The following EFHB variants were observed in gnomAD, a reference collection of about 807,000 sequenced individuals.
EFHB encodes EF-hand domain family member B, also known as EF-hand domain-containing family member B.
A neutral mutation model predicts 87.2 loss-of-function variants in EFHB; 91 were observed. The observed-to-expected ratio is 1.04, with a 90% CI of 0.88 to 1.24. The LOEUF is 1.24. Among genes scored for constraint, EFHB ranks in the 50% most tolerant of loss-of-function variants. The pLI is 0.00. For missense variants in EFHB, 1,084 were observed against 998.8 expected, an observed-to-expected ratio of 1.09 and a Z score of -1.15; for synonymous variants, 325 against 333.6, an observed-to-expected ratio of 0.97 and a Z score of 0.28.
At chr3:19,913,016 A>T (rs1407689735) in intron 5 of EFHB, among the ~76,000 whole-genome samples, 1 of 152,204 alleles carries the variant, frequency 6.6e-6, no homozygotes, top group Non-Finnish European at 1.5e-5. Context: ...GCCTGTAATA[A>T]TAATAGTAGC....
At chr3:19,933,066 T>A (rs1392019666) in intron 1 of EFHB, among the ~76,000 whole-genome samples, 164 bp downstream of exon 1, 1 of 152,202 alleles carries the variant, frequency 6.6e-6, no homozygotes, top group East Asian at 1.9e-4. Context: ...ATCAGAAATC[T>A]AAGTAACATC....
rs1162455565 is a variant in EFHB at position 19,915,374 on chromosome 3, T to C, written c.1217A>G (p.Tyr406Cys). ...AKDVVNPPKS[Y>C]EEVFKEGNEG... Reference sequence around the variant, plus strand: ...ATTTCCTTCTTTAAATACTTCTTCATAGGATTTTGGTGGATTCACCACATC... The same window carrying C: ...ATTTCCTTCTTTAAATACTTCTTCACAGGATTTTGGTGGATTCACCACATC... Residue 406 changes from tyrosine (Y) to cysteine (C), a missense_variant, in exon 5 of 13, where the codon TAT becomes TGT. Tyr to Cys is a radical substitution (Grantham distance 194, BLOSUM62 -2). Transcript: ENST00000295824. The C allele has an allele frequency of 3.1e-6, 5 of 1,613,030 alleles. No individual in the cohort carries two copies. Among genetic ancestry groups the C allele is most frequent in the South Asian group, 1.1e-5 (1 of 90,922 alleles).
chr3:19,939,096 A>G (rs1559479765), upstream of EFHB, among the ~76,000 whole-genome samples: 1 of 151,862 alleles, frequency 6.6e-6, no homozygotes, highest in Non-Finnish European at 1.5e-5. Context: ...CAGTAGAGAC[A>G]GGGTTTCACC....
upstream of EFHB, chr3:19,936,221 A>G: frequency 1.2e-6 from 1 of 858,058 alleles, no homozygotes; most frequent in Non-Finnish European, 1.9e-6. Flanking sequence ...GTGGTGGCTC[A>G]CATCTGTAGT....
intron 5 of EFHB, 128 bp from the exon 6 acceptor site, chr3:19,905,877 G>C (rs1180489916): frequency 8.6e-7 from 1 of 1,159,030 alleles, no homozygotes; most frequent in East Asian, 2.6e-5. Context: ...TAACAGTGCA[G>C]AAACTGCACA....
chr3:19,913,395 A>G (rs1478073602), intron 5 of EFHB, among the ~76,000 whole-genome samples: 3 of 152,234 alleles, frequency 2.0e-5, no homozygotes, highest in African/African-American at 7.2e-5. Flanking sequence ...ATTTCTATAT[A>G]CCAACAGTGA....
intron 11 of EFHB, among the ~76,000 whole-genome samples, chr3:19,883,736 G>A (rs1369767682): frequency 6.6e-6 from 1 of 152,118 alleles, no homozygotes; most frequent in Non-Finnish European, 1.5e-5. Context: ...GGAGAAATTT[G>A]GACACAGACA....
intron 12 of EFHB, 127 bp from the exon 13 acceptor site, chr3:19,879,931 T>C (rs2071630825): frequency 1.2e-6 from 1 of 843,204 alleles, no homozygotes. Context: ...TATGTGTGTG[T>C]ATGTATTTGT....
chr3:19,918,084 G>A (rs77241805), intron 4 of EFHB, 148 bp downstream of exon 4: 652 of 946,116 alleles, frequency 6.9e-4, no homozygotes, highest in Non-Finnish European at 9.2e-4. Context: ...GGTTCTGAGA[G>A]TAACTTTCTT....
chr3:19,890,439 A>C (rs1694266673), intron 9 of EFHB, among the ~76,000 whole-genome samples: 1 of 152,126 alleles, frequency 6.6e-6, no homozygotes. Flanking sequence ...CAGTCCTGGG[A>C]GAGGATGGTA....
At chr3:19,934,450 CCTCT>C (rs1559477228), upstream of EFHB, among the ~76,000 whole-genome samples, 1 of 98,926 alleles carries the variant, frequency 1.0e-5, no homozygotes, top group African/African-American at 4.1e-5. Context: ...CCTCTCTCTC[CCTCT>C]CTGTGTGTCT....
intron 10 of EFHB, among the ~76,000 whole-genome samples, chr3:19,886,926 G>A (rs554829873): frequency 2.7e-4 from 41 of 152,188 alleles, no homozygotes; most frequent in African/African-American, 8.9e-4. Flanking sequence ...AGCTTTTTGA[G>A]ATATGATCAT....
chr3:19,926,706 G>A (rs1212425042), intron 1 of EFHB, among the ~76,000 whole-genome samples: 3 of 147,326 alleles, frequency 2.0e-5, no homozygotes, highest in African/African-American at 7.6e-5. Flanking sequence ...TTTTGCCCAG[G>A]CTGGAGTGCA....
At chr3:19,916,251 A>G (rs1559464556) in intron 4 of EFHB, among the ~76,000 whole-genome samples, 1 of 152,128 alleles carries the variant, frequency 6.6e-6, no homozygotes, top group Non-Finnish European at 1.5e-5. Context: ...TCAGTGGCTC[A>G]GGCCTGTAAT....
At chr3:19,937,291 T>C (rs1380331712), upstream of EFHB, among the ~76,000 whole-genome samples, 2 of 152,240 alleles carry the variant, frequency 1.3e-5, no homozygotes, top group Non-Finnish European at 2.9e-5. Context: ...GCATTTTCCA[T>C]TTGCAATACA....
intron 9 of EFHB, among the ~76,000 whole-genome samples, chr3:19,890,007 T>C (rs1225900585): frequency 6.6e-6 from 1 of 152,090 alleles, no homozygotes; most frequent in Non-Finnish European, 1.5e-5. Flanking sequence ...CAAAAGTCTC[T>C]ACTACAACCA....
At chr3:19,884,763 T>G (rs752636508) in intron 10 of EFHB, 148 bp from the exon 11 acceptor site, 8 of 696,482 alleles carry the variant, frequency 1.1e-5, no homozygotes, top group Non-Finnish European at 1.4e-5. Flanking sequence ...AACACCCAAC[T>G]GTGGAAGAGT....
At chr3:19,901,770 C>T (rs547786183) in intron 6 of EFHB, among the ~76,000 whole-genome samples, 1 of 152,088 alleles carries the variant, frequency 6.6e-6, no homozygotes, top group African/African-American at 2.4e-5. Context: ...GCCCACATGG[C>T]AAAACCCCAT....
chr3:19,905,531 C>A (rs1203108966), intron 6 of EFHB, 89 bp downstream of exon 6: 1 of 1,379,984 alleles, frequency 7.2e-7, no homozygotes, highest in Non-Finnish European at 9.9e-7. Context: ...CATTTTATTA[C>A]CTCTTCAAAA....
Sources: gnomAD v4.1 joint callset for allele counts (sites outside exome capture counted in the v4.1 genomes callset) on GRCh38, gnomAD v4.1.1 for gene constraint, MANE v1.5 for transcripts, NCBI Gene and HGNC (gene_info 2026-07-23, HGNC 2026-07-21) for gene names.